Variants in KCNH1 observed in about 807,000 individuals in gnomAD.
The protein encoded by KCNH1 is potassium voltage-gated channel subfamily H member 1.
In KCNH1, 27 loss-of-function variants were observed where a neutral mutation model predicts 69.2. The ratio of observed to expected loss-of-function variants is 0.39; its 90% confidence interval spans 0.29 to 0.54. The LOEUF (loss-of-function observed/expected upper bound fraction) is 0.54, where lower values mean the gene tolerates loss of function less well. Ranked by LOEUF, KCNH1 falls within the 20% of genes least tolerant of loss-of-function variation. KCNH1 has a pLI of 0.68. For missense variants in KCNH1, 798 were observed against 1,261.6 expected, an observed-to-expected ratio of 0.63 and a Z score of 5.57; for synonymous variants, 456 against 487.7, an observed-to-expected ratio of 0.93 and a Z score of 0.86.
In KCNH1 at chr1:210,982,732, G is replaced by A. The variant is rs4436444; in HGVS notation, c.1032+36051C>T. On this transcript the variant is annotated intron_variant, in intron 6 of 10. Coordinates refer to ENST00000271751, the MANE Select transcript of KCNH1 (RefSeq NM_172362.3). ...GTGAATAGTGCCGCAATAAACATAC[G>A]TGTGCATGTGTCTTTATAGCAGCAT... 9.9e-5 allele frequency among the ~76,000 whole-genome samples: 15 copies of A among 152,192 alleles called. No individual in the cohort carries two copies. The East Asian group carries it at 2.5e-3, about 25-fold the overall frequency.
At chr1:210,806,534 A>G (rs1348857705) in intron 7 of KCNH1, among the ~76,000 whole-genome samples, 1 of 151,926 alleles carries the variant, frequency 6.6e-6, no homozygotes, top group African/African-American at 2.4e-5. Flanking sequence ...TTACAGCACA[A>G]AAGGTTTTAG....
intron 6 of KCNH1, among the ~76,000 whole-genome samples, chr1:211,005,466 G>C (rs927512544): frequency 6.6e-6 from 1 of 152,096 alleles, no homozygotes; most frequent in Admixed American, 6.5e-5. Context: ...GGCCTATAAA[G>C]ACACTAATTA....
intron 5 of KCNH1, among the ~76,000 whole-genome samples, chr1:211,064,493 G>A (rs570909260): frequency 4.6e-5 from 7 of 152,052 alleles, no homozygotes; most frequent in African/African-American, 1.4e-4. Context: ...CCTGGGAGGC[G>A]GAGCTTGCAG....
chr1:210,760,673 G>C (rs933930436), intron 10 of KCNH1, among the ~76,000 whole-genome samples: 2 of 152,188 alleles, frequency 1.3e-5, no homozygotes, highest in Non-Finnish European at 2.9e-5. Flanking sequence ...GAGGCCTCAC[G>C]ATCATGGCAA....
Position 210,682,987 on chromosome 1 carries a change from A to G in KCNH1, c.*294T>C, listed in dbSNP as rs1295803669. On this transcript the variant is annotated 3_prime_UTR_variant, in exon 11 of 11. Coordinates refer to ENST00000271751, the MANE Select transcript of KCNH1 (RefSeq NM_172362.3). ...GTAGTTTTAATCTTTTACAAATATCATGGTAGTAAAAAATTAAAAATGAAG... is the reference window on the plus strand; with the variant it reads ...GTAGTTTTAATCTTTTACAAATATCGTGGTAGTAAAAAATTAAAAATGAAG... 2.8e-6 allele frequency: 1 copy of G among 360,876 alleles called. No homozygotes were observed. The highest frequency in any genetic ancestry group is 4.4e-5 in the Admixed American group (1 of 22,696). The allele number at this position is 360,876 out of a possible 1,614,324, so 22.4% of individuals were successfully genotyped here. A position where few individuals can be genotyped will look rare whatever the true frequency, so the allele number is the denominator to read the frequency against.
intron 7 of KCNH1, among the ~76,000 whole-genome samples, chr1:210,851,038 G>A (rs1267703287): frequency 1.3e-5 from 2 of 152,166 alleles, no homozygotes; most frequent in Admixed American, 1.3e-4. Flanking sequence ...TTCAATATTT[G>A]TCTTCATGGC....
chr1:211,055,565 A>T (rs890612704), intron 5 of KCNH1, among the ~76,000 whole-genome samples: 10 of 152,204 alleles, frequency 6.6e-5, no homozygotes, highest in Non-Finnish European at 1.3e-4. Flanking sequence ...AATGTGACCC[A>T]GTAAGATACC....
chr1:210,937,067 G>A (rs1436218571), intron 6 of KCNH1, among the ~76,000 whole-genome samples: 1 of 151,916 alleles, frequency 6.6e-6, no homozygotes. Context: ...TAACAACCTT[G>A]CTCCCTGCCC....
intron 6 of KCNH1, among the ~76,000 whole-genome samples, chr1:210,968,635 T>C (rs1688454680): frequency 6.6e-6 from 1 of 151,984 alleles, no homozygotes; most frequent in South Asian, 2.1e-4. Flanking sequence ...TGAGCATTTT[T>C]TCATGTGTTT....
At chr1:211,085,909 C>T (rs1039765644) in intron 4 of KCNH1, among the ~76,000 whole-genome samples, 1 of 152,166 alleles carries the variant, frequency 6.6e-6, no homozygotes, top group Admixed American at 6.5e-5. Context: ...GGAAATCAGA[C>T]AGTCATTTTC....
chr1:210,999,191 C>CA (rs546364572), intron 6 of KCNH1, among the ~76,000 whole-genome samples: 14 of 152,092 alleles, frequency 9.2e-5, no homozygotes, highest in Non-Finnish European at 1.8e-4. Context: ...AATAGAGACA[C>CA]AAAAAACCCT....
At chr1:210,846,711 A>G (rs1685557454) in intron 7 of KCNH1, among the ~76,000 whole-genome samples, 1 of 152,144 alleles carries the variant, frequency 6.6e-6, no homozygotes, top group Non-Finnish European at 1.5e-5. Flanking sequence ...AATGGCAACA[A>G]AAGCCAAAAT....
chr1:211,108,251 A>G (rs749800733), intron 1 of KCNH1, among the ~76,000 whole-genome samples: 23 of 152,146 alleles, frequency 1.5e-4, no homozygotes, highest in Non-Finnish European at 2.9e-4. Flanking sequence ...AGCAAATAAC[A>G]TCCAGAACTT....
At chr1:210,841,797 A>T (rs1448676276) in intron 7 of KCNH1, among the ~76,000 whole-genome samples, 2 of 152,162 alleles carry the variant, frequency 1.3e-5, no homozygotes, top group African/African-American at 4.8e-5. Context: ...ACCCTAATAA[A>T]GTATGATCCT....
chr1:211,098,027 A>G (rs987195167), intron 3 of KCNH1, among the ~76,000 whole-genome samples: 1 of 152,254 alleles, frequency 6.6e-6, no homozygotes, highest in Non-Finnish European at 1.5e-5. Flanking sequence ...TGTCGTTGAT[A>G]TAAGAAAATC....
intron 7 of KCNH1, among the ~76,000 whole-genome samples, chr1:210,909,011 C>G (rs561107191): frequency 6.6e-6 from 1 of 152,318 alleles, no homozygotes; most frequent in South Asian, 2.1e-4. Flanking sequence ...GTTTTTATCA[C>G]CACGTAGCTA....
chr1:210,785,397 G>GT (rs34506008), intron 9 of KCNH1, among the ~76,000 whole-genome samples: 10,003 of 141,330 alleles, frequency 0.071, 961 homozygotes, highest in African/African-American at 0.22. Context: ...CTCTTACTCT[G>GT]TTTTTTTTTT....
At chr1:211,070,424 A>ACACACACACACACAC (rs1232138926) in intron 5 of KCNH1, among the ~76,000 whole-genome samples, 32 of 110,146 alleles carry the variant, frequency 2.9e-4, no homozygotes, top group Non-Finnish European at 5.5e-4. Context: ...CCTTTAAAAA[A>ACACACACACACACAC]AAAAAAACAC....
chr1:210,959,058 C>G (rs1688245946), intron 6 of KCNH1, among the ~76,000 whole-genome samples: 1 of 152,160 alleles, frequency 6.6e-6, no homozygotes, highest in Non-Finnish European at 1.5e-5. Context: ...TTTTATCTAC[C>G]TTTGGTCTCT....
Sources: gnomAD v4.1 joint callset for allele counts (sites outside exome capture counted in the v4.1 genomes callset) on GRCh38, gnomAD v4.1.1 for gene constraint, MANE v1.5 for transcripts, NCBI Gene and HGNC (gene_info 2026-07-23, HGNC 2026-07-21) for gene names.